MFHAS1: variants seen among roughly 807,000 people sequenced by gnomAD.
The protein encoded by MFHAS1 is multifunctional ROCO family signaling regulator 1.
A neutral mutation model predicts 70.4 loss-of-function variants in MFHAS1; 50 were observed. The ratio of observed to expected loss-of-function variants is 0.71; its 90% CI spans 0.57 to 0.90. The LOEUF is 0.90. Among genes scored for constraint, MFHAS1 ranks in the 40% least tolerant of loss-of-function variants. The probability of loss-of-function intolerance (pLI) is 0.00; values close to 1 mark genes in which losing one functional copy is unlikely to be tolerated. For synonymous variants in MFHAS1, 952 were observed against 620.0 expected (o/e 1.54, Z -7.96); for missense variants, 1,795 against 1,347.6 (o/e 1.33, Z -5.20).
intron 1 of MFHAS1, among the ~76,000 whole-genome samples, chr8:8,841,604 G>A (rs1189601510): frequency 6.6e-6 from 1 of 152,166 alleles, no homozygotes; most frequent in Admixed American, 6.6e-5. Flanking sequence ...TCAGACAGTC[G>A]AGTGGAGGAC....
rs1451229241 is a variant in MFHAS1 at position 8,893,078 on chromosome 8, AG to A, written c.-21del. On this transcript the variant is annotated 5_prime_UTR_variant, in exon 1 of 3. Coordinates refer to ENST00000276282, the MANE Select transcript of MFHAS1 (RefSeq NM_004225.3). ...AGCCATGGCGGGGCCCCGGGCCGAC[AG>A]CCTCACGCGGACGCGGGAGCCCGCA... 3 of 1,449,860 alleles carry A rather than the reference AG, an allele frequency of 2.1e-6. No individual in the cohort carries two copies. Among genetic ancestry groups the A allele is most frequent in the Non-Finnish European group, 2.7e-6 (3 of 1,109,486 alleles). The allele number at this position is 1,449,860 out of a possible 1,614,324, so 89.8% of individuals were successfully genotyped here.
At chr8:8,852,355 T>C (rs1808277642) in intron 1 of MFHAS1, among the ~76,000 whole-genome samples, 1 of 152,108 alleles carries the variant, frequency 6.6e-6, no homozygotes, top group South Asian at 2.1e-4. Flanking sequence ...GCACCTGTAA[T>C]CCCAGCTACT....
At chr8:8,856,493 T>C (rs548316781) in intron 1 of MFHAS1, among the ~76,000 whole-genome samples, 3 of 152,318 alleles carry the variant, frequency 2.0e-5, no homozygotes, top group Admixed American at 6.5e-5. Context: ...AAAGAGGGCC[T>C]GACAATTGCC....
At chr8:8,860,820 A>T (rs959655830) in intron 1 of MFHAS1, among the ~76,000 whole-genome samples, 5 of 152,236 alleles carry the variant, frequency 3.3e-5, no homozygotes, top group Non-Finnish European at 5.9e-5. Context: ...AGACAGTTCT[A>T]ATTTTCATGC....
intron 1 of MFHAS1, among the ~76,000 whole-genome samples, chr8:8,830,697 G>C (rs1807353780): frequency 6.6e-6 from 1 of 152,140 alleles, no homozygotes; most frequent in Admixed American, 6.5e-5. Flanking sequence ...CCGCCACCCG[G>C]TTTCAAGTAA....
At chr8:8,795,821 A>T (rs1399585115) in intron 2 of MFHAS1, among the ~76,000 whole-genome samples, 1 of 152,202 alleles carries the variant, frequency 6.6e-6, no homozygotes, top group Non-Finnish European at 1.5e-5. Flanking sequence ...ACAGGTCACA[A>T]TTCCCAAAGG....
intron 1 of MFHAS1, among the ~76,000 whole-genome samples, chr8:8,833,277 C>T (rs13259070): frequency 0.44 from 67,580 of 151,934 alleles, 15,683 homozygotes; most frequent in East Asian, 0.74. Context: ...GACATAGATC[C>T]AAATCATATC....
chr8:8,829,715 A>AAAGGAGATT (rs1481173347), intron 1 of MFHAS1, among the ~76,000 whole-genome samples: 3 of 152,208 alleles, frequency 2.0e-5, no homozygotes, highest in Non-Finnish European at 4.4e-5. Flanking sequence ...GATCTTTGAG[A>AAAGGAGATT]AAGGAGATTG....
intron 1 of MFHAS1, among the ~76,000 whole-genome samples, chr8:8,851,595 G>T (rs1056281391): frequency 6.6e-6 from 1 of 151,952 alleles, no homozygotes; most frequent in Non-Finnish European, 1.5e-5. Context: ...AAAAAACCAG[G>T]GACTAGAAAG....
chr8:8,882,363 C>T (rs1809561506), intron 1 of MFHAS1, among the ~76,000 whole-genome samples: 2 of 152,276 alleles, frequency 1.3e-5, no homozygotes, highest in South Asian at 4.1e-4. Context: ...GCACTCCAGC[C>T]TGGAGACAGA....
At chr8:8,794,064 C>T (rs1805809117) in intron 2 of MFHAS1, among the ~76,000 whole-genome samples, 2 of 152,084 alleles carry the variant, frequency 1.3e-5, no homozygotes, top group South Asian at 2.1e-4. Flanking sequence ...GTTGTGTGCG[C>T]CTGTAGTCCT....
chr8:8,832,866 A>G lies in MFHAS1; in HGVS notation c.2999-35375T>C, dbSNP rs189042443. Among the ~76,000 whole-genome samples, 379 of 152,200 alleles carry G rather than the reference A, an allele frequency of 2.5e-3. 3 individuals carry two copies. The highest frequency in any genetic ancestry group is 4.0e-3 in the Non-Finnish European group (272 of 68,000). On this transcript the variant is annotated intron_variant, in intron 1 of 2. Transcript: ENST00000276282. ...CCCAGGCTAAGAATTTTTACAAACT[A>G]TTGGTCGAATTGTGTAGTAGCCCAT... is the stretch of plus-strand genomic sequence containing the variant.
At chr8:8,807,762 T>C (rs1207985618) in intron 1 of MFHAS1, among the ~76,000 whole-genome samples, 1 of 152,238 alleles carries the variant, frequency 6.6e-6, no homozygotes, top group East Asian at 1.9e-4. Flanking sequence ...TGTAAGTAGC[T>C]AAAACTTCCG....
chr8:8,871,214 G>C (rs1809063611), intron 1 of MFHAS1, among the ~76,000 whole-genome samples: 1 of 152,102 alleles, frequency 6.6e-6, no homozygotes, highest in Middle Eastern at 3.2e-3. Flanking sequence ...CCAGGATGAT[G>C]GTAATCAGAG....
intron 1 of MFHAS1, among the ~76,000 whole-genome samples, chr8:8,856,984 A>G (rs974932419): frequency 8.5e-6 from 1 of 117,184 alleles, no homozygotes; most frequent in Non-Finnish European, 1.7e-5. Flanking sequence ...GAAAGTGAAA[A>G]AAAAAAAAAA....
intron 1 of MFHAS1, among the ~76,000 whole-genome samples, chr8:8,812,879 G>A (rs1288354055): frequency 6.6e-6 from 1 of 152,104 alleles, no homozygotes; most frequent in East Asian, 1.9e-4. Context: ...CGATTCTCTG[G>A]CCTCAGCCTC....
At chr8:8,796,688 C>CAAAAAAAAAA (rs55756300) in intron 2 of MFHAS1, among the ~76,000 whole-genome samples, 347 of 24,742 alleles carry the variant, frequency 0.014, 112 homozygotes, top group South Asian at 0.073. Context: ...CGTCTCAAAA[C>CAAAAAAAAAA]AAAAAAAAAA....
rs1268866340 is a variant in MFHAS1, at chr8:8,892,552, C to T, written c.507G>A (p.Arg169=). 20 of 1,600,384 alleles carry T rather than the reference C, an allele frequency of 1.2e-5. No homozygotes were observed. Among genetic ancestry groups the T allele is most frequent in the Non-Finnish European group, 1.7e-5 (20 of 1,173,984 alleles). ...HLEELDVSFN[R]LAHLPDSLSC... The stretch of plus-strand genomic sequence containing the variant: ...AGAGGGAGTCAGGCAGGTGCGCCAG[C>T]CGGTTAAAGCTGACATCCAGCTCCT... The change falls in exon 1 of 3, where the codon CGG becomes CGA. Residue 169 remains arginine (R), a synonymous_variant. Transcript: ENST00000276282. The surrounding 1 kb of genome is among the most constrained non-coding windows in gnomAD (Gnocchi z 4.7).
chr8:8,842,522 G>A (rs1278421382), intron 1 of MFHAS1, among the ~76,000 whole-genome samples: 1 of 152,012 alleles, frequency 6.6e-6, no homozygotes, highest in African/African-American at 2.4e-5. Context: ...CATTTCCTCG[G>A]TACACAGTAA....
Sources: allele counts gnomAD v4.1 joint callset (sites outside exome capture counted in the v4.1 genomes callset), GRCh38; gene constraint gnomAD v4.1.1; non-coding constraint Gnocchi (gnomAD v3.1); transcripts MANE v1.5; gene names NCBI Gene and HGNC (gene_info 2026-07-23, HGNC 2026-07-21).